Variants in TRIM71 observed in about 807,000 individuals in gnomAD.
TRIM71 encodes the protein E3 ubiquitin-protein ligase TRIM71.
Under a neutral mutation model 61.2 loss-of-function variants are expected in TRIM71, and 9 were observed. The ratio of observed to expected loss-of-function variants is 0.15; its 90% confidence interval spans 0.09 to 0.26. TRIM71 has a LOEUF of 0.26. Among genes scored for constraint, TRIM71 ranks in the 10% least tolerant of loss-of-function variants. The probability of loss-of-function intolerance (pLI) is 1.00; values close to 1 mark genes in which losing one functional copy is unlikely to be tolerated. For missense variants in TRIM71, 998 were observed against 1,238.7 expected (o/e 0.81, Z 2.92); for synonymous variants, 645 against 553.2 (o/e 1.17, Z -2.33).
chr3:32,865,011 G>T (rs371057829), intron 1 of TRIM71, among the ~76,000 whole-genome samples: 101 of 152,078 alleles, frequency 6.6e-4, no homozygotes, highest in African/African-American at 2.4e-3. Context: ...GGTTCACCTG[G>T]AGGATTGCTC....
At chr3:32,880,017 A>C (rs1424978968) in intron 2 of TRIM71, among the ~76,000 whole-genome samples, 1 of 152,098 alleles carries the variant, frequency 6.6e-6, no homozygotes, top group Non-Finnish European at 1.5e-5. Flanking sequence ...AAGTGCAATA[A>C]AATGAGGTAT....
chr3:32,820,007 C>T (rs1045625980), intron 1 of TRIM71, among the ~76,000 whole-genome samples: 1 of 152,240 alleles, frequency 6.6e-6, no homozygotes, highest in Non-Finnish European at 1.5e-5. Context: ...CGAGTGTCGT[C>T]TTCTCCCCCG....
rs1180125754 is a variant in TRIM71, at chr3:32,838,023, C to T, written c.852+19091C>T. On this transcript the variant is annotated intron_variant, in intron 1 of 3. Coordinates refer to ENST00000383763, the MANE Select transcript of TRIM71 (RefSeq NM_001039111.3). ...GTGGATGTGAATTTTGCTCAATCAACACACTTTTCATTGAGCATCTGCCAT... is the reference window on the plus strand; with the variant it reads ...GTGGATGTGAATTTTGCTCAATCAATACACTTTTCATTGAGCATCTGCCAT... Among the ~76,000 whole-genome samples, 4 of 152,240 alleles carry T rather than the reference C, an allele frequency of 2.6e-5. No homozygotes were observed. In the East Asian group the frequency reaches 5.8e-4, roughly 22 times the overall value.
At chr3:32,885,820 G>T in intron 2 of TRIM71, 114 bp from the exon 3 acceptor site, 3 of 1,440,240 alleles carry the variant, frequency 2.1e-6, no homozygotes, top group Non-Finnish European at 2.8e-6. Flanking sequence ...GAATCAAGTG[G>T]TCTGGGAACC....
intron 1 of TRIM71, among the ~76,000 whole-genome samples, chr3:32,821,431 G>T (rs2125673006): frequency 6.6e-6 from 1 of 152,014 alleles, no homozygotes; most frequent in East Asian, 1.9e-4. Context: ...CAGCCTGCAG[G>T]GTCTCTCGCC....
chr3:32,882,649 C>CA (rs1477896648), intron 2 of TRIM71, among the ~76,000 whole-genome samples: 3 of 152,156 alleles, frequency 2.0e-5, no homozygotes, highest in African/African-American at 7.2e-5. Context: ...AAGACTCAAG[C>CA]AATCCTTCCA....
intron 1 of TRIM71, among the ~76,000 whole-genome samples, chr3:32,828,031 G>A (rs1019037139): frequency 6.6e-6 from 1 of 152,064 alleles, no homozygotes; most frequent in Admixed American, 6.6e-5. Flanking sequence ...AATATAGATT[G>A]GATGACTACT....
At chr3:32,842,039 A>G (rs1696412968) in intron 1 of TRIM71, among the ~76,000 whole-genome samples, 1 of 152,168 alleles carries the variant, frequency 6.6e-6, no homozygotes, top group South Asian at 2.1e-4. Context: ...CTCTAGCACC[A>G]TAAAGATTGC....
intron 1 of TRIM71, among the ~76,000 whole-genome samples, chr3:32,837,497 C>T (rs1204231448): frequency 6.6e-6 from 1 of 152,152 alleles, no homozygotes; most frequent in East Asian, 1.9e-4. Flanking sequence ...GATGTCCTGG[C>T]TTACTACTGA....
chr3:32,841,091 A>G (rs539379193), intron 1 of TRIM71, among the ~76,000 whole-genome samples: 75 of 152,108 alleles, frequency 4.9e-4, no homozygotes, highest in African/African-American at 1.8e-3. Flanking sequence ...CTAAAAAACA[A>G]AAAATTAGCC....
At chr3:32,827,999 C>A (rs1696223376) in intron 1 of TRIM71, among the ~76,000 whole-genome samples, 1 of 152,188 alleles carries the variant, frequency 6.6e-6, no homozygotes, top group East Asian at 1.9e-4. Context: ...TATAAAAAAT[C>A]TGCACTTAAG....
rs553512772 is a variant in TRIM71 at position 32,839,444 on chromosome 3, C to A, written c.852+20512C>A. ...ACAGGGTTTCACCATGTTGGTCAGG[C>A]TGGTCTCGAACTCCTGACCTCATGA... On this transcript the variant is annotated intron_variant, in intron 1 of 3. Transcript: ENST00000383763. Among the ~76,000 whole-genome samples the A allele has an allele frequency of 5.3e-5, 8 of 152,112 alleles. No individual in the cohort carries two copies. The South Asian group carries it at 1.2e-3, about 24-fold the overall frequency.
At chr3:32,852,758 TTAAAA>T (rs1696552080) in intron 1 of TRIM71, among the ~76,000 whole-genome samples, 1 of 81,884 alleles carries the variant, frequency 1.2e-5, no homozygotes, top group Non-Finnish European at 2.1e-5. Flanking sequence ...ATACTGTCTT[TTAAAA>T]AAAAAAAAAA....
intron 1 of TRIM71, among the ~76,000 whole-genome samples, chr3:32,859,822 G>T (rs1696645044): frequency 6.6e-6 from 1 of 152,058 alleles, no homozygotes; most frequent in South Asian, 2.1e-4. Context: ...CAAGGGACTG[G>T]GACTTTATTT....
intron 1 of TRIM71, among the ~76,000 whole-genome samples, chr3:32,868,669 T>C (rs1317163790): frequency 4.1e-5 from 6 of 147,130 alleles, no homozygotes; most frequent in Admixed American, 2.0e-4. Flanking sequence ...GTGGAGACAA[T>C]TGAGTGAGAC....
rs1344741768 is a variant in TRIM71, at chr3:32,892,477, G to A, written c.*666G>A. Reference sequence around the variant, plus strand: ...TGTGTTTAACATCCTCTTCTGCATCGTTTCTTGATCTTAGACGTTGTGGCT... The same window carrying A: ...TGTGTTTAACATCCTCTTCTGCATCATTTCTTGATCTTAGACGTTGTGGCT... On this transcript the variant is annotated 3_prime_UTR_variant, in exon 4 of 4. Coordinates refer to ENST00000383763, the MANE Select transcript of TRIM71 (RefSeq NM_001039111.3). 2 of 152,050 alleles carry A rather than the reference G, an allele frequency of 1.3e-5. No individual in the cohort carries two copies. The highest frequency in any genetic ancestry group is 2.4e-5 in the African/African-American group (1 of 41,402). 9.4% of individuals were successfully genotyped at this position (152,050 alleles called of 1,614,324 possible).
chr3:32,894,077 C>T lies in TRIM71; in HGVS notation c.*2266C>T, dbSNP rs897357304. 1.3e-5 allele frequency: 2 copies of T among 152,118 alleles called. No homozygotes were observed. Among genetic ancestry groups the T allele is most frequent in the Non-Finnish European group, 2.9e-5 (2 of 68,024 alleles). 9.4% of individuals were successfully genotyped at this position (152,118 alleles called of 1,614,324 possible). On this transcript the variant is annotated 3_prime_UTR_variant, in exon 4 of 4. Transcript: ENST00000383763. ...CCTTTTGGCCGTTAAGCTCTAAGTTCTTTGGTAAAGAGTTAATATAATTAA... is the reference window on the plus strand; with the variant it reads ...CCTTTTGGCCGTTAAGCTCTAAGTTTTTTGGTAAAGAGTTAATATAATTAA...
intron 1 of TRIM71, among the ~76,000 whole-genome samples, chr3:32,872,007 G>A (rs1280418727): frequency 6.6e-6 from 1 of 152,110 alleles, no homozygotes; most frequent in African/African-American, 2.4e-5. Context: ...AGTTGGGCGT[G>A]GTGGCAGGCA....
chr3:32,845,746 CTG>C (rs1254806955), intron 1 of TRIM71, among the ~76,000 whole-genome samples: 1 of 150,832 alleles, frequency 6.6e-6, no homozygotes, highest in Non-Finnish European at 1.5e-5. Context: ...CAGAGTCTCT[CTG>C]TCACCCAGGC....
Sources: gnomAD v4.1 joint callset for allele counts (sites outside exome capture counted in the v4.1 genomes callset) on GRCh38, gnomAD v4.1.1 for gene constraint, MANE v1.5 for transcripts, NCBI Gene and HGNC (gene_info 2026-07-23, HGNC 2026-07-21) for gene names.